Variants in SLC24A3 observed in about 807,000 individuals in gnomAD.
SLC24A3 encodes solute carrier family 24 member 3.
SLC24A3 carries 28 observed loss-of-function variants against 75.8 expected under a neutral mutation model. That is an observed-to-expected ratio of 0.37 (90% confidence interval 0.27 to 0.51). SLC24A3 has a LOEUF of 0.51. Among genes scored for constraint, SLC24A3 ranks in the 20% least tolerant of loss-of-function variants. The pLI, the probability that SLC24A3 is intolerant of heterozygous loss-of-function variation, is 0.94. For missense variants in SLC24A3, 663 were observed against 847.8 expected (o/e 0.78, Z 2.71); for synonymous variants, 372 against 334.1 (o/e 1.11, Z -1.24).
At chr20:19,416,057 T>A (rs1048157506) in intron 2 of SLC24A3, among the ~76,000 whole-genome samples, 33 of 152,184 alleles carry the variant, frequency 2.2e-4, no homozygotes, top group African/African-American at 8.0e-4. Flanking sequence ...AGCCTCAGTT[T>A]TCTCATTTGT....
chr20:19,696,950 G>A, intron 14 of SLC24A3, 39 bp downstream of exon 14: 1 of 916,018 alleles, frequency 1.1e-6, no homozygotes, highest in Non-Finnish European at 1.7e-6. Flanking sequence ...AGGGAGGGAG[G>A]GAGGAGGAGA....
intron 2 of SLC24A3, among the ~76,000 whole-genome samples, chr20:19,322,153 G>A (rs905638502): frequency 6.6e-6 from 1 of 152,074 alleles, no homozygotes; most frequent in African/African-American, 2.4e-5. Flanking sequence ...GTCTATGTAA[G>A]GTGCTCCTGC....
chr20:19,412,782 G>A (rs1163747374), intron 2 of SLC24A3, among the ~76,000 whole-genome samples: 1 of 152,148 alleles, frequency 6.6e-6, no homozygotes, highest in African/African-American at 2.4e-5. Flanking sequence ...CTCATGGCCT[G>A]AATCACTTGG....
intron 3 of SLC24A3, among the ~76,000 whole-genome samples, chr20:19,547,203 C>T (rs565555570): frequency 1.3e-4 from 20 of 152,152 alleles, no homozygotes; most frequent in Admixed American, 7.2e-4. Context: ...TTCATCATTC[C>T]AACCATAGGG....
Position 19,585,065 on chromosome 20 carries a change from A to G in SLC24A3, c.508+10A>G, listed in dbSNP as rs761332117. The G allele has an allele frequency of 1.9e-6, 3 of 1,606,200 alleles. No individual in the cohort carries two copies. The East Asian group carries it at 6.7e-5, about 36-fold the overall frequency. On this transcript the variant is annotated intron_variant, in intron 5 of 16. Transcript: ENST00000328041. Reference sequence around the variant, plus strand: ...TTCACATCGGTCATAGGTAGGTGACAGACTGAGGGACATCTCAGACCTTCA... The same window carrying G: ...TTCACATCGGTCATAGGTAGGTGACGGACTGAGGGACATCTCAGACCTTCA...
At chr20:19,482,990 C>T (rs113427478) in intron 2 of SLC24A3, among the ~76,000 whole-genome samples, 2,097 of 152,342 alleles carry the variant, frequency 0.014, 20 homozygotes, top group Middle Eastern at 0.034. Context: ...CTTTCCCTTT[C>T]AGCACATGAT....
chr20:19,660,533 G>A (rs2424243), intron 7 of SLC24A3, among the ~76,000 whole-genome samples: 64,541 of 151,930 alleles, frequency 0.42, 15,963 homozygotes, highest in African/African-American at 0.69. Flanking sequence ...TTATCCACTC[G>A]TTAGCTGATG....
intron 2 of SLC24A3, among the ~76,000 whole-genome samples, chr20:19,475,127 A>T (rs533883963): frequency 6.6e-6 from 1 of 152,276 alleles, no homozygotes; most frequent in Admixed American, 6.5e-5. Context: ...TCACAAGGTC[A>T]GGAGATCGAA....
chr20:19,257,896 G>A (rs1254401577), intron 1 of SLC24A3, among the ~76,000 whole-genome samples: 1 of 152,194 alleles, frequency 6.6e-6, no homozygotes, highest in Non-Finnish European at 1.5e-5. Flanking sequence ...GGAGATCATA[G>A]CTCACAGCAG....
intron 2 of SLC24A3, among the ~76,000 whole-genome samples, chr20:19,317,694 T>G (rs543842534): frequency 6.6e-6 from 1 of 152,244 alleles, no homozygotes; most frequent in Admixed American, 6.5e-5. Context: ...AGGGTTCTCT[T>G]TTGTTCTCCC....
chr20:19,443,645 A>G (rs943527197), intron 2 of SLC24A3, among the ~76,000 whole-genome samples: 1 of 152,142 alleles, frequency 6.6e-6, no homozygotes, highest in Non-Finnish European at 1.5e-5. Flanking sequence ...TTCTTCTCCA[A>G]TCTCCATGCC....
intron 1 of SLC24A3, among the ~76,000 whole-genome samples, chr20:19,246,048 A>G (rs1208132822): frequency 6.6e-6 from 1 of 152,186 alleles, no homozygotes; most frequent in African/African-American, 2.4e-5. Flanking sequence ...AAAATATCTA[A>G]GAATAAAACA....
At chr20:19,293,034 G>A (rs1600415068) in intron 2 of SLC24A3, among the ~76,000 whole-genome samples, 1 of 151,106 alleles carries the variant, frequency 6.6e-6, no homozygotes. Context: ...CTGCCTTGGG[G>A]GCTAGGAATT....
At chr20:19,595,206 C>T (rs1050168323) in intron 6 of SLC24A3, among the ~76,000 whole-genome samples, 1 of 152,308 alleles carries the variant, frequency 6.6e-6, no homozygotes, top group South Asian at 2.1e-4. Flanking sequence ...TCTAAGCAGA[C>T]ACATCACGCA....
At chr20:19,269,531 C>T (rs1405759306) in intron 1 of SLC24A3, among the ~76,000 whole-genome samples, 1 of 152,226 alleles carries the variant, frequency 6.6e-6, no homozygotes, top group Non-Finnish European at 1.5e-5. Context: ...ACATTGTTTC[C>T]ATTAAATTGT....
At chr20:19,672,360 G>A (rs1280489272) in intron 8 of SLC24A3, among the ~76,000 whole-genome samples, 1 of 152,036 alleles carries the variant, frequency 6.6e-6, no homozygotes, top group Non-Finnish European at 1.5e-5. Context: ...TGGAAGAAAG[G>A]GTTTTACTGT....
At chr20:19,388,020 G>A (rs906558105) in intron 2 of SLC24A3, among the ~76,000 whole-genome samples, 1 of 152,098 alleles carries the variant, frequency 6.6e-6, no homozygotes, top group Admixed American at 6.6e-5. Context: ...TTTTGATACA[G>A]GTATGCAATG....
intron 2 of SLC24A3, among the ~76,000 whole-genome samples, chr20:19,375,770 G>A (rs562232348): frequency 1.3e-5 from 2 of 149,422 alleles, no homozygotes; most frequent in East Asian, 3.9e-4. Flanking sequence ...TGACCTCCCA[G>A]GCATCCATAG....
intron 3 of SLC24A3, among the ~76,000 whole-genome samples, chr20:19,524,973 G>A (rs761219): frequency 0.12 from 18,692 of 152,170 alleles, 1,301 homozygotes; most frequent in East Asian, 0.17. Flanking sequence ...CCATGTTGGC[G>A]CTCAATGGTT....
Sources: allele counts gnomAD v4.1 joint callset (sites outside exome capture counted in the v4.1 genomes callset), GRCh38; gene constraint gnomAD v4.1.1; transcripts MANE v1.5; gene names NCBI Gene and HGNC (gene_info 2026-07-23, HGNC 2026-07-21).